STPG2: variants seen among roughly 807,000 people sequenced by gnomAD.
STPG2 encodes the protein sperm-tail PG-rich repeat-containing protein 2.
A neutral mutation model predicts 54.2 loss-of-function variants in STPG2; 56 were observed. That is an observed-to-expected ratio of 1.03 (90% CI 0.83 to 1.29). The LOEUF (loss-of-function observed/expected upper bound fraction) is 1.29. STPG2 is among the 50% of genes most tolerant of loss of function. The probability of loss-of-function intolerance (pLI) is 0.00; values close to 1 mark genes in which losing one functional copy is unlikely to be tolerated. For missense variants in STPG2, 596 were observed against 544.9 expected (o/e 1.09, Z -0.93); for synonymous variants, 200 against 181.8 (o/e 1.10, Z -0.81).
rs1367236333 is a variant in STPG2, at chr4:98,143,382, AG to A, written c.-233del. 3 of 507,062 alleles carry A rather than the reference AG, an allele frequency of 5.9e-6. No homozygotes were observed. The highest frequency in any genetic ancestry group is 5.8e-5 in the African/African-American group (3 of 51,816). 31.4% of individuals were successfully genotyped at this position (507,062 alleles called of 1,614,324 possible). A position where few individuals can be genotyped will look rare whatever the true frequency, so the allele number is the denominator to read the frequency against. On this transcript the variant is annotated 5_prime_UTR_variant, in exon 1 of 11. Coordinates refer to ENST00000295268, the MANE Select transcript of STPG2 (RefSeq NM_174952.3). ...GTAAAGTAGAGGGGTGAGCGACTAG[AG>A]ATTAGACGTCCCACACAATCATCAG...
chr4:97,610,474 A>C (rs1431740234), intron 10 of STPG2, among the ~76,000 whole-genome samples: 1 of 152,096 alleles, frequency 6.6e-6, no homozygotes, highest in South Asian at 2.1e-4. Context: ...TGTACTGGAC[A>C]TAACAAATTA....
intron 8 of STPG2, among the ~76,000 whole-genome samples, chr4:97,931,680 G>T (rs1488733401): frequency 2.6e-5 from 4 of 151,586 alleles, no homozygotes; most frequent in Admixed American, 2.0e-4. Flanking sequence ...TGTTGTTGTT[G>T]TTTGTTGTTT....
chr4:97,923,284 C>T (rs113162093), intron 8 of STPG2, among the ~76,000 whole-genome samples: 12 of 150,670 alleles, frequency 8.0e-5, no homozygotes, highest in East Asian at 2.0e-4. Flanking sequence ...AGGGGCTGTG[C>T]GCAGCGCTTC....
intron 10 of STPG2, among the ~76,000 whole-genome samples, chr4:97,651,692 AAAG>A (rs1722072443): frequency 6.6e-6 from 1 of 152,048 alleles, no homozygotes; most frequent in African/African-American, 2.4e-5. Flanking sequence ...TGATAAAAGC[AAAG>A]AAGATAGGAG....
At chr4:97,458,711 G>A (rs555813323) in intron 4 of STPG2, among the ~76,000 whole-genome samples, 7 of 152,092 alleles carry the variant, frequency 4.6e-5, no homozygotes, top group Non-Finnish European at 8.8e-5. Context: ...AGGATGAGAG[G>A]ATAATGACCT....
At chr4:97,844,854 ATTGTTCAATCCTGTT>A (rs1728901386) in intron 8 of STPG2, among the ~76,000 whole-genome samples, 1 of 151,952 alleles carries the variant, frequency 6.6e-6, no homozygotes, top group African/African-American at 2.4e-5. Context: ...AACTACTCGT[ATTGTTCAATCCTGTT>A]CTGTGTTTCT....
chr4:97,557,685 A>G (rs951713904), downstream of STPG2, among the ~76,000 whole-genome samples: 17 of 152,216 alleles, frequency 1.1e-4, no homozygotes, highest in Admixed American at 4.6e-4. Context: ...CAAGAGAAAG[A>G]GCTACAGGGC....
At chr4:97,685,214 G>C (rs1278013869) in intron 10 of STPG2, among the ~76,000 whole-genome samples, 1 of 151,950 alleles carries the variant, frequency 6.6e-6, no homozygotes, top group Non-Finnish European at 1.5e-5. Context: ...AATCACACTT[G>C]TATTTACCCA....
At chr4:97,675,207 C>T (rs1402249684) in intron 10 of STPG2, among the ~76,000 whole-genome samples, 2 of 151,960 alleles carry the variant, frequency 1.3e-5, no homozygotes, top group African/African-American at 2.4e-5. Flanking sequence ...TTCTCCATGT[C>T]GGTCAAGCTG....
At chr4:98,016,739 C>T (rs1179058525) in intron 5 of STPG2, among the ~76,000 whole-genome samples, 1 of 152,162 alleles carries the variant, frequency 6.6e-6, no homozygotes, top group African/African-American at 2.4e-5. Flanking sequence ...GGTTCTTTGT[C>T]AGGCTATTCA....
rs565091159 is a variant in STPG2, at chr4:97,653,116, T to C, written c.1320+59583A>G. Among the ~76,000 whole-genome samples, 489 of 117,618 alleles carry C rather than the reference T, an allele frequency of 4.2e-3. 3 individuals carry two copies. The highest frequency in any genetic ancestry group is 0.017 in the African/African-American group (461 of 27,934). 77.2% of individuals were successfully genotyped at this position (117,618 alleles called of 152,430 possible). A position where few individuals can be genotyped will look rare whatever the true frequency, so the allele number is the denominator to read the frequency against. ...GATGATAGATAGATAGATAGATAGG[T>C]AGATAGATAGATAGATAGACAGATA... On this transcript the variant is annotated intron_variant, in intron 10 of 10. Coordinates refer to ENST00000295268, the MANE Select transcript of STPG2 (RefSeq NM_174952.3).
chr4:97,795,461 C>T (rs930232173), intron 9 of STPG2, among the ~76,000 whole-genome samples: 1 of 152,032 alleles, frequency 6.6e-6, no homozygotes, highest in Admixed American at 6.6e-5. Flanking sequence ...GTTTTTTGTC[C>T]TTGTGATAGT....
At chr4:97,786,649 A>G (rs1213673086) in intron 9 of STPG2, among the ~76,000 whole-genome samples, 1 of 152,094 alleles carries the variant, frequency 6.6e-6, no homozygotes. Context: ...ATGAAATCTC[A>G]TACCATCCTG....
At chr4:97,864,752 C>A (rs896057591) in intron 8 of STPG2, among the ~76,000 whole-genome samples, 2 of 151,836 alleles carry the variant, frequency 1.3e-5, no homozygotes, top group Non-Finnish European at 2.9e-5. Flanking sequence ...AGATATAGAC[C>A]AATGGAACAG....
intron 9 of STPG2, among the ~76,000 whole-genome samples, chr4:97,717,761 C>A (rs755279764): frequency 1.7e-4 from 26 of 152,054 alleles, no homozygotes; most frequent in Non-Finnish European, 2.9e-4. Flanking sequence ...ATTACAGGAA[C>A]CAACTGGAAG....
At chr4:97,711,915 C>T (rs1381247627) in intron 10 of STPG2, among the ~76,000 whole-genome samples, 9 of 151,944 alleles carry the variant, frequency 5.9e-5, no homozygotes, top group South Asian at 2.1e-4. Context: ...AGTATCTGCC[C>T]GCCTCAGCTT....
intron 8 of STPG2, among the ~76,000 whole-genome samples, chr4:97,885,350 C>T (rs1469246800): frequency 6.6e-6 from 1 of 152,186 alleles, no homozygotes; most frequent in East Asian, 1.9e-4. Context: ...AACTGGGCAT[C>T]ATGACATCCC....
Position 97,541,115 on chromosome 4 carries a change from G to C in STPG2, c.462+171584C>G, listed in dbSNP as rs1483692702. 2.6e-5 allele frequency among the ~76,000 whole-genome samples: 4 copies of C among 152,242 alleles called. No individual in the cohort carries two copies. The East Asian group carries it at 7.7e-4, about 29-fold the overall frequency. On this transcript the variant is annotated intron_variant, in intron 4 of 4. Transcript: ENST00000522676. Reference sequence around the variant, plus strand: ...ATTCAAAATAGTGTTGGAAGTTCCGGCCAGGGCAATCAGGCAGGAGAAGGA... The same window carrying C: ...ATTCAAAATAGTGTTGGAAGTTCCGCCCAGGGCAATCAGGCAGGAGAAGGA...
At chr4:97,934,689 C>A (rs752263964) in intron 8 of STPG2, among the ~76,000 whole-genome samples, 1 of 152,110 alleles carries the variant, frequency 6.6e-6, no homozygotes, top group Non-Finnish European at 1.5e-5. Flanking sequence ...TGAACCAGCC[C>A]TGAATCCCAG....
Sources: gnomAD v4.1 joint callset for allele counts (sites outside exome capture counted in the v4.1 genomes callset) on GRCh38, gnomAD v4.1.1 for gene constraint, MANE v1.5 for transcripts, NCBI Gene and HGNC (gene_info 2026-07-23, HGNC 2026-07-21) for gene names.